The following IL1R1 variants were observed in gnomAD, a reference collection of about 807,000 sequenced individuals.
IL1R1 encodes the protein interleukin 1 receptor type 1, also known as interleukin-1 receptor type 1.
IL1R1 carries 22 observed loss-of-function variants against 50.2 expected under a neutral mutation model. That is an observed-to-expected ratio of 0.44 (90% CI 0.31 to 0.63). The LOEUF (loss-of-function observed/expected upper bound fraction) is 0.63. Among genes scored for constraint, IL1R1 ranks in the 20% least tolerant of loss-of-function variants. IL1R1 has a pLI of 0.07. For synonymous variants in IL1R1, 251 were observed against 236.7 expected, an observed-to-expected ratio of 1.06 and a Z score of -0.55; for missense variants, 509 against 676.2, an observed-to-expected ratio of 0.75 and a Z score of 2.74.
chr2:102,092,445 C>T (rs184191698), intron 1 of IL1R1, among the ~76,000 whole-genome samples: 6 of 152,128 alleles, frequency 3.9e-5, no homozygotes, highest in Non-Finnish European at 8.8e-5. Context: ...TATCCTTTAT[C>T]AATTAAATCC....
chr2:102,174,358 A>T (rs1685931148), intron 9 of IL1R1, among the ~76,000 whole-genome samples: 1 of 152,116 alleles, frequency 6.6e-6, no homozygotes, highest in African/African-American at 2.4e-5. Context: ...GTTATTGTAT[A>T]TTATGCTATT....
chr2:102,179,440 C>G lies in IL1R1; in HGVS notation c.*2681C>G, dbSNP rs1464354650. On this transcript the variant is annotated 3_prime_UTR_variant, in exon 12 of 12. Coordinates refer to ENST00000410023, the MANE Select transcript of IL1R1 (RefSeq NM_000877.4). ...GAGGAAGAAGACACATTCCTAGTTCCCCGTGAACTTCCTTTGACTTATTGT... is the reference window on the plus strand; with the variant it reads ...GAGGAAGAAGACACATTCCTAGTTCGCCGTGAACTTCCTTTGACTTATTGT... 1 of 152,306 alleles carries G rather than the reference C, an allele frequency of 6.6e-6. No individual in the cohort carries two copies. Among genetic ancestry groups the G allele is most frequent in the East Asian group, 1.9e-4 (1 of 5,320 alleles). 9.4% of individuals were successfully genotyped at this position (152,306 alleles called of 1,614,324 possible).
At chr2:102,126,715 G>T (rs1056263253) in intron 1 of IL1R1, among the ~76,000 whole-genome samples, 5 of 151,924 alleles carry the variant, frequency 3.3e-5, no homozygotes, top group African/African-American at 1.2e-4. Flanking sequence ...ACTCCCGCTT[G>T]TATTTAAAAC....
chr2:102,175,727 C>T (rs762425450), intron 11 of IL1R1, 82 bp downstream of exon 11: 16 of 1,303,584 alleles, frequency 1.2e-5, no homozygotes, highest in African/African-American at 2.9e-5. Flanking sequence ...TCTAGAAGAT[C>T]GTGGCATAGG....
chr2:102,098,431 A>G (rs141612884), intron 1 of IL1R1, among the ~76,000 whole-genome samples: 139 of 152,280 alleles, frequency 9.1e-4, no homozygotes, highest in African/African-American at 3.3e-3. Flanking sequence ...AGTAAAAAGC[A>G]CTGTAATAAA....
At position 102,150,898 on chromosome 2, in the gene IL1R1, T is replaced by A. The variant is rs560689122; in HGVS notation, c.-83-3043T>A. On this transcript the variant is annotated intron_variant, in intron 1 of 11. Coordinates refer to ENST00000410023, the MANE Select transcript of IL1R1 (RefSeq NM_000877.4). ...GCTGAACAGGGGGAACCGTATGCTA[T>A]GGCTTATTAATGTATTGAGTAAGTT... Among the ~76,000 whole-genome samples the A allele has an allele frequency of 2.6e-5, 4 of 152,358 alleles. No individual in the cohort carries two copies. In the East Asian group the frequency reaches 7.7e-4, roughly 29 times the overall value.
chr2:102,077,116 G>C (rs1374101316), intron 1 of IL1R1, among the ~76,000 whole-genome samples: 1 of 151,794 alleles, frequency 6.6e-6, no homozygotes, highest in Admixed American at 6.6e-5. Context: ...TGTTGCCCAG[G>C]CTGGAGTATA....
intron 1 of IL1R1, among the ~76,000 whole-genome samples, chr2:102,111,585 G>A (rs1475551442): frequency 6.6e-6 from 1 of 152,168 alleles, no homozygotes; most frequent in Admixed American, 6.5e-5. Context: ...AGAGGAAGAA[G>A]GAGTGGAAGG....
intron 2 of IL1R1, 142 bp from the exon 3 acceptor site, chr2:102,157,577 A>G (rs1409612689): frequency 4.6e-6 from 3 of 658,744 alleles, no homozygotes; most frequent in African/African-American, 1.8e-5. Flanking sequence ...GACAACATTC[A>G]TGATGTAGAA....
chr2:102,152,293 C>A (rs1051540653), intron 1 of IL1R1, among the ~76,000 whole-genome samples: 6 of 151,494 alleles, frequency 4.0e-5, no homozygotes, highest in Admixed American at 2.0e-4. Context: ...ATCACGAGGT[C>A]AGGAGATCGA....
chr2:102,137,165 T>G (rs1018724596), intron 1 of IL1R1, among the ~76,000 whole-genome samples: 3 of 152,168 alleles, frequency 2.0e-5, no homozygotes, highest in African/African-American at 7.2e-5. Context: ...TAGGTGTTGT[T>G]TAATTCTGAG....
chr2:102,168,684 G>T (rs780926737), intron 7 of IL1R1, 21 bp downstream of exon 7: 1 of 1,564,556 alleles, frequency 6.4e-7, no homozygotes, highest in Non-Finnish European at 8.7e-7. Context: ...TTCAGTGAGG[G>T]TATGCTGGAA....
At chr2:102,103,788 G>T (rs1680257707), upstream of IL1R1, among the ~76,000 whole-genome samples, 1 of 151,988 alleles carries the variant, frequency 6.6e-6, no homozygotes, top group Non-Finnish European at 1.5e-5. Context: ...GAGTTCAGGA[G>T]TTTGAGACCA....
intron 1 of IL1R1, among the ~76,000 whole-genome samples, chr2:102,076,325 C>T (rs1466107277): frequency 6.6e-6 from 1 of 152,060 alleles, no homozygotes; most frequent in Non-Finnish European, 1.5e-5. Context: ...CTACAGGCGC[C>T]TGCCACCATG....
chr2:102,108,958 AAT>A (rs1680586832), intron 1 of IL1R1, among the ~76,000 whole-genome samples: 2 of 75,660 alleles, frequency 2.6e-5, no homozygotes, highest in African/African-American at 6.6e-5. Context: ...TAATAATAAT[AAT>A]AATAATAATA....
chr2:102,153,481 AT>A (rs1577977691), intron 1 of IL1R1, among the ~76,000 whole-genome samples: 1 of 152,160 alleles, frequency 6.6e-6, no homozygotes, highest in Non-Finnish European at 1.5e-5. Flanking sequence ...GATCATTTAA[AT>A]GTCATGACCT....
chr2:102,121,537 C>T (rs1354837099), intron 1 of IL1R1, among the ~76,000 whole-genome samples: 1 of 152,166 alleles, frequency 6.6e-6, no homozygotes, highest in Non-Finnish European at 1.5e-5. Flanking sequence ...CAGATCTTCC[C>T]TCTAGCTCTA....
chr2:102,175,424 T>C, intron 10 of IL1R1, 54 bp from the exon 11 acceptor site: 1 of 1,371,060 alleles, frequency 7.3e-7, no homozygotes, highest in Non-Finnish European at 1.0e-6. Context: ...ACTGACTTTA[T>C]CAAATCTCTT....
At chr2:102,129,547 C>G (rs2104412595) in intron 1 of IL1R1, among the ~76,000 whole-genome samples, 1 of 152,234 alleles carries the variant, frequency 6.6e-6, no homozygotes, top group Middle Eastern at 3.4e-3. Context: ...GATTTGTACC[C>G]CCTAAAGGAG....
Sources: gnomAD v4.1 joint callset for allele counts (sites outside exome capture counted in the v4.1 genomes callset) on GRCh38, gnomAD v4.1.1 for gene constraint, MANE v1.5 for transcripts, NCBI Gene and HGNC (gene_info 2026-07-23, HGNC 2026-07-21) for gene names.